Variants in MINDY3 observed in about 807,000 individuals in gnomAD.
MINDY3 encodes ubiquitin carboxyl-terminal hydrolase MINDY-3.
In MINDY3, 38 loss-of-function variants were observed where a neutral mutation model predicts 69.2. The observed-to-expected ratio is 0.55, with a 90% CI of 0.42 to 0.72. MINDY3 has a LOEUF of 0.72. Among genes scored for constraint, MINDY3 ranks in the 30% least tolerant of loss-of-function variants. MINDY3 has a pLI of 0.00. For synonymous variants in MINDY3, 192 were observed against 180.1 expected, an observed-to-expected ratio of 1.07 and a Z score of -0.53; for missense variants, 522 against 519.0, an observed-to-expected ratio of 1.01 and a Z score of -0.06.
rs1214887363 is a variant in MINDY3, at chr10:15,778,487, A to C, written c.*505T>G. ...CATGCCAGAGTTAAGTAAATTGTCA[A>C]AGGATCCAGGTTGACAATGTGTTAT... On this transcript the variant is annotated 3_prime_UTR_variant, in exon 15 of 15. Coordinates refer to ENST00000277632, the MANE Select transcript of MINDY3 (RefSeq NM_024948.4). The C allele has an allele frequency of 6.6e-6, 1 of 152,430 alleles. No individual in the cohort carries two copies. The highest frequency in any genetic ancestry group is 1.5e-5 in the Non-Finnish European group (1 of 68,194). 9.4% of individuals were successfully genotyped at this position (152,430 alleles called of 1,614,324 possible).
intron 13 of MINDY3, among the ~76,000 whole-genome samples, chr10:15,784,956 T>C (rs1215473058): frequency 1.3e-5 from 2 of 152,140 alleles, no homozygotes; most frequent in Non-Finnish European, 2.9e-5. Context: ...GGTGGGACTG[T>C]GACAGGTCTT....
intron 10 of MINDY3, among the ~76,000 whole-genome samples, chr10:15,802,471 T>G (rs1304749504): frequency 6.6e-6 from 1 of 152,020 alleles, no homozygotes; most frequent in East Asian, 1.9e-4. Context: ...CCAGATCTCC[T>G]GAGAACTCAC....
chr10:15,825,039 G>A (rs771690736), intron 8 of MINDY3, among the ~76,000 whole-genome samples: 3 of 152,128 alleles, frequency 2.0e-5, no homozygotes, highest in Non-Finnish European at 4.4e-5. Context: ...CACATGTTAC[G>A]ATTTATAGAA....
chr10:15,840,478 C>T (rs571580207), intron 4 of MINDY3, among the ~76,000 whole-genome samples: 3 of 151,766 alleles, frequency 2.0e-5, no homozygotes, highest in Non-Finnish European at 3.0e-5. Context: ...ACTGACAACA[C>T]AGAGGCATTT....
At chr10:15,824,442 A>G (rs1210251537) in intron 8 of MINDY3, among the ~76,000 whole-genome samples, 1 of 152,194 alleles carries the variant, frequency 6.6e-6, no homozygotes, top group Non-Finnish European at 1.5e-5. Context: ...CTCAATCTTT[A>G]ACATGAAAAA....
At chr10:15,786,374 A>T (rs1194643050) in intron 13 of MINDY3, among the ~76,000 whole-genome samples, 187 bp downstream of exon 13, 2 of 152,016 alleles carry the variant, frequency 1.3e-5, no homozygotes, top group African/African-American at 4.8e-5. Flanking sequence ...TGCCCTCCCC[A>T]TCAAGGCACT....
At chr10:15,826,545 A>C (rs183991861) in intron 8 of MINDY3, among the ~76,000 whole-genome samples, 19 of 152,360 alleles carry the variant, frequency 1.2e-4, no homozygotes, top group African/African-American at 3.6e-4. Context: ...CCAAATCTTC[A>C]AAGATTTCTT....
intron 8 of MINDY3, among the ~76,000 whole-genome samples, chr10:15,832,444 G>A (rs1338004967): frequency 6.9e-6 from 1 of 145,118 alleles, no homozygotes; most frequent in Non-Finnish European, 1.5e-5. Context: ...ACACTGAAAT[G>A]AGATTTTTTT....
chr10:15,846,668 T>C (rs1833864994), intron 2 of MINDY3, among the ~76,000 whole-genome samples: 1 of 152,062 alleles, frequency 6.6e-6, no homozygotes, highest in African/African-American at 2.4e-5. Context: ...TTATGCTCTA[T>C]ATAGAGCATA....
chr10:15,860,352 T>A lies in MINDY3; in HGVS notation c.-53A>T. 1.5e-6 allele frequency: 2 copies of A among 1,347,014 alleles called. No individual in the cohort carries two copies. Among genetic ancestry groups the A allele is most frequent in the Non-Finnish European group, 2.1e-6 (2 of 958,618 alleles). 83.4% of individuals were successfully genotyped at this position (1,347,014 alleles called of 1,614,324 possible). ...CTTTGCGGACTCCTGCCCCGGAACA[T>A]GGGGAAGGGGCAACTCCGGAAACAG... On this transcript the variant is annotated 5_prime_UTR_variant, in exon 1 of 15. The change abolishes an upstream ATG in the 5' untranslated region. Transcript: ENST00000277632.
At chr10:15,799,301 G>A (rs1302591158) in intron 10 of MINDY3, among the ~76,000 whole-genome samples, 3 of 151,978 alleles carry the variant, frequency 2.0e-5, no homozygotes, top group South Asian at 4.2e-4. Context: ...CCAGGTTCAA[G>A]CAAATCTCTG....
chr10:15,843,336 A>G (rs1452508968), intron 2 of MINDY3, 64 bp from the exon 3 acceptor site: 2 of 1,338,498 alleles, frequency 1.5e-6, no homozygotes, highest in South Asian at 1.2e-5. Flanking sequence ...TCATTCTTCA[A>G]TTTTAAAGTG....
intron 8 of MINDY3, among the ~76,000 whole-genome samples, chr10:15,828,534 A>C (rs1231466290): frequency 1.3e-5 from 2 of 152,146 alleles, no homozygotes; most frequent in African/African-American, 4.8e-5. Context: ...TGTCCATTTT[A>C]AATGGGTGAC....
At chr10:15,809,275 T>G (rs1167461153) in intron 10 of MINDY3, among the ~76,000 whole-genome samples, 1 of 152,166 alleles carries the variant, frequency 6.6e-6, no homozygotes, top group Non-Finnish European at 1.5e-5. Flanking sequence ...CTAACATATT[T>G]GACATATTAC....
intron 1 of MINDY3, 96 bp downstream of exon 1, chr10:15,860,110 G>C (rs1834989980): frequency 1.1e-6 from 1 of 897,918 alleles, no homozygotes; most frequent in African/African-American, 1.7e-5. Context: ...GGCAGAGAGC[G>C]GGGCACGCGA....
At chr10:15,810,107 G>A (rs1224593631) in intron 10 of MINDY3, among the ~76,000 whole-genome samples, 1 of 151,966 alleles carries the variant, frequency 6.6e-6, no homozygotes, top group Non-Finnish European at 1.5e-5. Context: ...GTCAGGAAGA[G>A]GGCACCAGTA....
intron 2 of MINDY3, 83 bp downstream of exon 2, chr10:15,847,781 A>G (rs897909703): frequency 4.6e-6 from 4 of 876,706 alleles, no homozygotes; most frequent in Admixed American, 4.0e-5. Context: ...TAATTACTAT[A>G]TGGAGTACAG....
chr10:15,833,240 T>C (rs1794452748), intron 8 of MINDY3, among the ~76,000 whole-genome samples: 3 of 152,310 alleles, frequency 2.0e-5, no homozygotes, highest in South Asian at 4.1e-4. Context: ...TTAAAAGTAA[T>C]ATAGGCAAAA....
At chr10:15,791,506 T>C (rs1234880025) in intron 11 of MINDY3, among the ~76,000 whole-genome samples, 1 of 151,502 alleles carries the variant, frequency 6.6e-6, no homozygotes, top group Non-Finnish European at 1.5e-5. Context: ...ATTAACTACA[T>C]AGATATCAAC....
Sources: gnomAD v4.1 joint callset for allele counts (sites outside exome capture counted in the v4.1 genomes callset) on GRCh38, gnomAD v4.1.1 for gene constraint, MANE v1.5 for transcripts, NCBI Gene and HGNC (gene_info 2026-07-23, HGNC 2026-07-21) for gene names.